RPL39L: variants seen among roughly 807,000 people sequenced by gnomAD.
The protein encoded by RPL39L is ribosomal protein eL39-like 2.
For missense variants in RPL39L, 48 were observed against 58.9 expected (o/e 0.81, Z 0.61); for synonymous variants, 16 against 20.1 (o/e 0.80, Z 0.55).
chr3:187,136,211 G>A (rs951044513), intron 1 of RPL39L, among the ~76,000 whole-genome samples: 10 of 152,130 alleles, frequency 6.6e-5, no homozygotes, highest in Admixed American at 5.9e-4. Context: ...CTAGAGCATC[G>A]GCAATTTCTT....
chr3:187,129,111 T>C (rs1279482548), intron 1 of RPL39L, among the ~76,000 whole-genome samples: 2 of 152,204 alleles, frequency 1.3e-5, no homozygotes, highest in East Asian at 1.9e-4. Context: ...TGTTTCTGAA[T>C]ATTGAATGTT....
chr3:187,133,542 GAAGT>G (rs549416655), intron 1 of RPL39L, among the ~76,000 whole-genome samples: 3 of 152,196 alleles, frequency 2.0e-5, no homozygotes, highest in African/African-American at 7.2e-5. Context: ...CTAATACAGG[GAAGT>G]AAGCTCTTAC....
chr3:187,133,320 T>C (rs1720517336), intron 1 of RPL39L, among the ~76,000 whole-genome samples: 1 of 152,150 alleles, frequency 6.6e-6, no homozygotes, highest in Non-Finnish European at 1.5e-5. Context: ...CGTGCTGTTC[T>C]TGTGACAGTG....
intron 2 of RPL39L, among the ~76,000 whole-genome samples, chr3:187,121,994 C>T (rs1720318255): frequency 6.6e-6 from 1 of 152,086 alleles, no homozygotes; most frequent in Non-Finnish European, 1.5e-5. Flanking sequence ...AAATAGAAAC[C>T]TATAAAACAA....
At chr3:187,121,634 G>A (rs1016599597) in intron 2 of RPL39L, among the ~76,000 whole-genome samples, 4 of 152,028 alleles carry the variant, frequency 2.6e-5, no homozygotes, top group East Asian at 1.9e-4. Context: ...CCATCAAGAG[G>A]AATTATTTTC....
chr3:187,131,102 A>C (rs1720477143), intron 1 of RPL39L, among the ~76,000 whole-genome samples: 2 of 152,176 alleles, frequency 1.3e-5, no homozygotes, highest in Middle Eastern at 6.3e-3. Flanking sequence ...TCACATATAC[A>C]ACTCTCACTT....
intron 1 of RPL39L, among the ~76,000 whole-genome samples, chr3:187,130,393 C>A (rs568835321): frequency 6.6e-6 from 1 of 152,184 alleles, no homozygotes; most frequent in Non-Finnish European, 1.5e-5. Context: ...GGAGGTGGGG[C>A]CTAGTGGGAG....
intron 1 of RPL39L, among the ~76,000 whole-genome samples, chr3:187,133,970 T>C (rs1413435056): frequency 6.6e-6 from 1 of 152,138 alleles, no homozygotes; most frequent in Non-Finnish European, 1.5e-5. Flanking sequence ...CACAAGATGC[T>C]TGGCATTTGA....
In RPL39L at chr3:187,128,075, T is replaced by C. The variant is rs1373794240; in HGVS notation, c.-92-13A>G. 2 of 152,104 alleles carry C rather than the reference T, an allele frequency of 1.3e-5. No homozygotes were observed. The highest frequency in any genetic ancestry group is 1.5e-5 in the Non-Finnish European group (1 of 68,012). 9.4% of individuals were successfully genotyped at this position (152,104 alleles called of 1,614,324 possible). ...CTCCAAATAAAATCTGAAAAGAAAATATCCAGTGTGTAATGGTAACAGTAA... is the reference window on the plus strand; with the variant it reads ...CTCCAAATAAAATCTGAAAAGAAAACATCCAGTGTGTAATGGTAACAGTAA... On this transcript the variant is annotated splice_polypyrimidine_tract_variant and intron_variant, in intron 1 of 2. Transcript: ENST00000296277.
intron 2 of RPL39L, among the ~76,000 whole-genome samples, chr3:187,124,658 C>T (rs1720368494): frequency 6.6e-6 from 1 of 152,130 alleles, no homozygotes; most frequent in East Asian, 1.9e-4. Context: ...AACATCTATG[C>T]TGAATATCAA....
chr3:187,136,889 T>G (rs1364986173), intron 1 of RPL39L, among the ~76,000 whole-genome samples: 2 of 152,000 alleles, frequency 1.3e-5, no homozygotes, highest in East Asian at 3.9e-4. Flanking sequence ...AATATAAAGG[T>G]GGATAAAATA....
At chr3:187,138,936 G>C (rs906933243) in intron 1 of RPL39L, among the ~76,000 whole-genome samples, 3 of 152,166 alleles carry the variant, frequency 2.0e-5, no homozygotes, top group Non-Finnish European at 2.9e-5. Flanking sequence ...GCGCGCGCCT[G>C]TAACCCCAGC....
At chr3:187,133,390 C>T (rs1315122695) in intron 1 of RPL39L, among the ~76,000 whole-genome samples, 1 of 152,100 alleles carries the variant, frequency 6.6e-6, no homozygotes, top group East Asian at 1.9e-4. Flanking sequence ...ACTCTCTTTC[C>T]TGCCACCATC....
At position 187,124,017 on chromosome 3, in the gene RPL39L, C is replaced by A. The variant is rs746620198; in HGVS notation, c.-28-2689G>T. ...CTGAAAGAACTGGCTATAATGCCAA[C>A]TGAAATAAGCTTATAGCCAGTAAGT... On this transcript the variant is annotated intron_variant, in intron 2 of 2. Transcript: ENST00000296277. 2.6e-4 allele frequency among the ~76,000 whole-genome samples: 39 copies of A among 152,264 alleles called. 1 individual carries two copies. The highest frequency in any genetic ancestry group is 3.4e-3 in the Middle Eastern group (1 of 292).
chr3:187,128,169 G>C (rs1389283079), intron 1 of RPL39L, 107 bp from the exon 2 acceptor site: 1 of 152,198 alleles, frequency 6.6e-6, no homozygotes, highest in Non-Finnish European at 1.5e-5. Flanking sequence ...CCTGAAATTT[G>C]TGAAAACCTT....
chr3:187,123,311 G>A lies in RPL39L; in HGVS notation c.-28-1983C>T, dbSNP rs149368983. On this transcript the variant is annotated intron_variant, in intron 2 of 2. Coordinates refer to ENST00000296277, the MANE Select transcript of RPL39L (RefSeq NM_052969.3). ...AATATAAAACATTGAAAACTAAGCCGCAAGTATCCTTGTAGGAGTCTACAG... is the reference window on the plus strand; with the variant it reads ...AATATAAAACATTGAAAACTAAGCCACAAGTATCCTTGTAGGAGTCTACAG... Among the ~76,000 whole-genome samples, 772 of 152,296 alleles carry A rather than the reference G, an allele frequency of 5.1e-3. 3 individuals are homozygous for A. Among genetic ancestry groups the A allele is most frequent in the Non-Finnish European group, 7.4e-3 (505 of 68,026 alleles).
chr3:187,128,710 T>G (rs1251011345), intron 1 of RPL39L, among the ~76,000 whole-genome samples: 1 of 152,234 alleles, frequency 6.6e-6, no homozygotes, highest in East Asian at 1.9e-4. Flanking sequence ...TTCTGGCAGC[T>G]AGGCAGTAGC....
intron 1 of RPL39L, among the ~76,000 whole-genome samples, chr3:187,130,565 T>C (rs116632679): frequency 0.011 from 1,694 of 152,268 alleles, 31 homozygotes; most frequent in African/African-American, 0.039. Context: ...CCACTTCACC[T>C]TCTGCCATGA....
intron 2 of RPL39L, among the ~76,000 whole-genome samples, chr3:187,125,048 A>G (rs754272488): frequency 3.3e-5 from 5 of 152,198 alleles, no homozygotes; most frequent in Non-Finnish European, 5.9e-5. Flanking sequence ...TTTAGATCAT[A>G]TTCTAGCTGG....
Sources: allele counts gnomAD v4.1 joint callset (sites outside exome capture counted in the v4.1 genomes callset), GRCh38; gene constraint gnomAD v4.1.1; transcripts MANE v1.5; gene names NCBI Gene and HGNC (gene_info 2026-07-23, HGNC 2026-07-21).